DNAH8: variants seen among roughly 807,000 people sequenced by gnomAD.
DNAH8 encodes axonemal beta dynein heavy chain 8.
A neutral mutation model predicts 562.1 loss-of-function variants in DNAH8; 382 were observed. That is an observed-to-expected ratio of 0.68 (90% CI 0.63 to 0.74). The LOEUF is 0.74. DNAH8 is among the 30% of genes least tolerant of loss of function. DNAH8 has a pLI of 0.00. For synonymous variants in DNAH8, 1,881 were observed against 1,919.4 expected (o/e 0.98, Z 0.52); for missense variants, 5,203 against 5,620.4 (o/e 0.93, Z 2.37).
In DNAH8 at chr6:38,998,285, CAA is replaced by C. The variant is rs199640049; in HGVS notation, c.13214+8114_13214+8115del. Among the ~76,000 whole-genome samples, 304 of 152,294 alleles carry C rather than the reference CAA, an allele frequency of 2.0e-3. 1 individual carries two copies. The highest frequency in any genetic ancestry group is 6.9e-3 in the African/African-American group (286 of 41,564). On this transcript the variant is annotated intron_variant, in intron 88 of 92. Transcript: ENST00000327475. ...GCTTTAAAATAAGTAAAATCTCTCT[CAA>C]GAGTTTAGATAGCATAGTGATAAGA...
In DNAH8 at chr6:38,749,226, C is replaced by T. The variant is rs561341039; in HGVS notation, c.1294-1250C>T. 2.6e-5 allele frequency among the ~76,000 whole-genome samples: 4 copies of T among 152,178 alleles called. No individual in the cohort carries two copies. The South Asian group carries it at 8.3e-4, about 32-fold the overall frequency. ...AGTGAGATCATGTCCTTTACAGGGA[C>T]ACGGATGAAGCTGGAAGCCATCATC... is the stretch of plus-strand genomic sequence containing the variant. On this transcript the variant is annotated intron_variant, in intron 8 of 92. Coordinates refer to ENST00000327475, the MANE Select transcript of DNAH8 (RefSeq NM_001206927.2).
intron 41 of DNAH8, among the ~76,000 whole-genome samples, chr6:38,853,759 G>C (rs568877158): frequency 6.6e-6 from 1 of 152,066 alleles, no homozygotes; most frequent in South Asian, 2.1e-4. Context: ...CATAAGCTTG[G>C]TCTAGTATGT....
Position 38,949,648 on chromosome 6 carries a change from C to T in DNAH8, c.12248+78C>T. On this transcript the variant is annotated intron_variant, in intron 81 of 92. Coordinates refer to ENST00000327475, the MANE Select transcript of DNAH8 (RefSeq NM_001206927.2). ...TACAGATTTTATCTCAGTGAGTTTA[C>T]TTCACTATATCACTGTCATTGAAAG... 5 of 867,728 alleles carry T rather than the reference C, an allele frequency of 5.8e-6. No individual in the cohort carries two copies. The South Asian group carries it at 7.8e-5, about 13-fold the overall frequency. The allele number at this position is 867,728 out of a possible 1,614,324, so 53.8% of individuals were successfully genotyped here.
chr6:38,925,870 T>A (rs1323327535), intron 73 of DNAH8, among the ~76,000 whole-genome samples, 185 bp from the exon 74 acceptor site: 1 of 152,228 alleles, frequency 6.6e-6, no homozygotes, highest in Non-Finnish European at 1.5e-5. Context: ...AAATTTGTTT[T>A]TTTTTAATGT....
intron 20 of DNAH8, 113 bp downstream of exon 20, chr6:38,790,518 G>A (rs952927488): frequency 3.6e-5 from 20 of 550,260 alleles, no homozygotes; most frequent in Non-Finnish European, 5.0e-5. Flanking sequence ...AAGGACATCC[G>A]TTAGGTTTAA....
rs548580014 is a variant in DNAH8, at chr6:38,725,105, C to G, written c.525+1634C>G. On this transcript the variant is annotated intron_variant, in intron 3 of 92. Transcript: ENST00000327475. ...ATCGCCTGAGATCAGAAGTTCAAGA[C>G]CAGCCTAACCAAAATGGTGAAACCC... Among the ~76,000 whole-genome samples the G allele has an allele frequency of 4.6e-5, 7 of 152,054 alleles. No individual in the cohort carries two copies. The South Asian group carries it at 6.2e-4, about 14-fold the overall frequency.
intron 18 of DNAH8, 76 bp downstream of exon 18, chr6:38,787,028 T>C (rs577755885): frequency 4.1e-6 from 3 of 728,024 alleles, no homozygotes; most frequent in East Asian, 7.9e-5. Context: ...TATATATATA[T>C]CCCTGCAGTT....
At chr6:38,901,925 A>G (rs1404228214) in intron 62 of DNAH8, among the ~76,000 whole-genome samples, 1 of 152,188 alleles carries the variant, frequency 6.6e-6, no homozygotes, top group Non-Finnish European at 1.5e-5. Context: ...TAATTGGAAG[A>G]TCTGGCAACC....
chr6:38,929,340 C>G, intron 74 of DNAH8, 171 bp from the exon 75 acceptor site: 2 of 591,864 alleles, frequency 3.4e-6, no homozygotes, highest in South Asian at 5.9e-5. Context: ...AAAATCATGA[C>G]TCACCAAGTT....
chr6:38,778,317 A>G, intron 13 of DNAH8, 71 bp from the exon 14 acceptor site: 1 of 792,806 alleles, frequency 1.3e-6, no homozygotes, highest in Non-Finnish European at 2.1e-6. Flanking sequence ...TAGGAAAAGC[A>G]TTAACTGTTG....
intron 23 of DNAH8, among the ~76,000 whole-genome samples, chr6:38,806,322 C>A (rs1196464909): frequency 6.6e-6 from 1 of 152,182 alleles, no homozygotes; most frequent in Non-Finnish European, 1.5e-5. Context: ...CCATTTATTC[C>A]ACTTTCACCT....
chr6:38,880,889 G>A (rs535256110), intron 53 of DNAH8, among the ~76,000 whole-genome samples: 9 of 152,222 alleles, frequency 5.9e-5, no homozygotes, highest in African/African-American at 1.7e-4. Flanking sequence ...TCAGCTGTGC[G>A]TGGTGGCGGG....
At chr6:38,741,233 A>C (rs1318810786) in intron 7 of DNAH8, among the ~76,000 whole-genome samples, 2 of 151,994 alleles carry the variant, frequency 1.3e-5, no homozygotes, top group East Asian at 3.9e-4. Flanking sequence ...GTGACATGCT[A>C]TCTCTACAAA....
chr6:38,953,543 T>C (rs1460905058), intron 82 of DNAH8, among the ~76,000 whole-genome samples: 1 of 152,172 alleles, frequency 6.6e-6, no homozygotes, highest in African/African-American at 2.4e-5. Context: ...AATCCAGGCT[T>C]CTATTGATTA....
At chr6:38,853,716 C>A (rs529191956) in intron 41 of DNAH8, among the ~76,000 whole-genome samples, 4 of 151,830 alleles carry the variant, frequency 2.6e-5, no homozygotes, top group African/African-American at 7.2e-5. Flanking sequence ...TATCATTAAC[C>A]AAAAATGCAT....
intron 87 of DNAH8, among the ~76,000 whole-genome samples, chr6:38,989,312 T>A (rs1176335311): frequency 6.6e-6 from 1 of 150,644 alleles, no homozygotes; most frequent in African/African-American, 2.5e-5. Flanking sequence ...ATCTGGCTCA[T>A]AGGCATTTAG....
chr6:38,844,152 C>T (rs1775081663), intron 35 of DNAH8, among the ~76,000 whole-genome samples: 1 of 152,150 alleles, frequency 6.6e-6, no homozygotes, highest in Non-Finnish European at 1.5e-5. Context: ...CCAGGTACTC[C>T]TTTTCCTATA....
At chr6:38,864,417 A>C (rs1462461673) in intron 45 of DNAH8, among the ~76,000 whole-genome samples, 1 of 152,136 alleles carries the variant, frequency 6.6e-6, no homozygotes, top group Admixed American at 6.5e-5. Context: ...CTAAATCTTA[A>C]TTGCTTAAAG....
chr6:38,939,515 A>G (rs16891295), intron 79 of DNAH8, among the ~76,000 whole-genome samples: 13,970 of 152,246 alleles, frequency 0.092, 834 homozygotes, highest in African/African-American at 0.16. Flanking sequence ...GGGATGTAAG[A>G]ATAAACCAGA....
Sources: allele counts gnomAD v4.1 joint callset (sites outside exome capture counted in the v4.1 genomes callset), GRCh38; gene constraint gnomAD v4.1.1; transcripts MANE v1.5; gene names NCBI Gene and HGNC (gene_info 2026-07-23, HGNC 2026-07-21).